The following GLRA2 variants were observed in gnomAD, a reference collection of about 807,000 sequenced individuals.
GLRA2 encodes glycine receptor alpha 2.
In GLRA2, 11 loss-of-function variants were observed where a neutral mutation model predicts 31.6. The ratio of observed to expected loss-of-function variants is 0.35; its 90% CI spans 0.22 to 0.58. The LOEUF is 0.58. Among genes scored for constraint, GLRA2 ranks in the 20% least tolerant of loss-of-function variants. The pLI, the probability that GLRA2 is intolerant of heterozygous loss-of-function variation, is 0.84. For synonymous variants in GLRA2, 132 were observed against 134.0 expected (o/e 0.99, Z 0.10); for missense variants, 212 against 351.8 (o/e 0.60, Z 3.18).
chrX:14,714,685 A>ATG (rs1360918392), intron 8 of GLRA2, among the ~76,000 whole-genome samples: 1 of 112,375 alleles, frequency 8.9e-6, no homozygotes, highest in Non-Finnish European at 1.9e-5. Flanking sequence ...TTTTAAATGC[A>ATG]TGAGGCTTGT....
chrX:14,576,821 C>T (rs2089963764), intron 3 of GLRA2, among the ~76,000 whole-genome samples: 1 of 112,356 alleles, frequency 8.9e-6, no homozygotes, highest in African/African-American at 3.2e-5. Context: ...TCAAGGGTAA[C>T]ATACACAGCC....
chrX:14,615,808 T>TGTTTAAATAAACACAA (rs1428359066), intron 7 of GLRA2, among the ~76,000 whole-genome samples: 2 of 111,935 alleles, frequency 1.8e-5, no homozygotes, highest in African/African-American at 6.5e-5. Context: ...AAGAAACTTG[T>TGTTTAAATAAACACAA]GTTTATTGAT....
the GLRA2 span, among the ~76,000 whole-genome samples, chrX:14,474,309 C>T: frequency 9.0e-6 from 1 of 111,473 alleles, no homozygotes. Flanking sequence ...TACCCTGCAG[C>T]TGCTACAGTT....
chrX:14,516,112 C>A, the GLRA2 span, among the ~76,000 whole-genome samples: 45 of 111,506 alleles, frequency 4.0e-4, no homozygotes, highest in African/African-American at 1.3e-3. Flanking sequence ...ATGTTTCCTG[C>A]TATCCCTCCT....
the GLRA2 span, among the ~76,000 whole-genome samples, chrX:14,454,805 T>C: frequency 1.2e-3 from 134 of 112,087 alleles, no homozygotes; most frequent in Non-Finnish European, 2.0e-3. Flanking sequence ...TCCAATATGC[T>C]ATGATTCTTA....
intron 2 of GLRA2, among the ~76,000 whole-genome samples, chrX:14,562,961 A>G (rs2089753782): frequency 8.9e-6 from 1 of 112,329 alleles, no homozygotes; most frequent in African/African-American, 3.2e-5. Flanking sequence ...TTAAAAAAAT[A>G]CTGCAAGTCA....
chrX:14,669,466 G>A (rs748016877), intron 7 of GLRA2, among the ~76,000 whole-genome samples: 2 of 111,537 alleles, frequency 1.8e-5, no homozygotes, highest in East Asian at 5.7e-4. Flanking sequence ...CCCTAGCAGA[G>A]GTTCTCCATG....
chrX:14,457,149 C>T, the GLRA2 span, among the ~76,000 whole-genome samples: 4 of 110,772 alleles, frequency 3.6e-5, no homozygotes, highest in Non-Finnish European at 5.7e-5. Flanking sequence ...TCAAATATTT[C>T]TTGGCCGTTT....
At chrX:14,559,534 A>G (rs1389406159) in intron 2 of GLRA2, among the ~76,000 whole-genome samples, 1 of 98,161 alleles carries the variant, frequency 1.0e-5, no homozygotes, top group Non-Finnish European at 2.0e-5. Flanking sequence ...CTCCTGCCTC[A>G]GCCTCCCGAG....
the GLRA2 span, among the ~76,000 whole-genome samples, chrX:14,517,016 T>C: frequency 8.9e-6 from 1 of 112,314 alleles, no homozygotes; most frequent in Admixed American, 9.4e-5. Context: ...AACAAATTAT[T>C]GCTTTAAGCC....
intron 8 of GLRA2, among the ~76,000 whole-genome samples, chrX:14,695,467 C>A (rs1460200097): frequency 8.9e-6 from 1 of 112,138 alleles, no homozygotes. Context: ...AAATAAAATT[C>A]AAAGCAAAGG....
chrX:14,609,808 G>C (rs1379108419), intron 7 of GLRA2, among the ~76,000 whole-genome samples: 2 of 111,393 alleles, frequency 1.8e-5, no homozygotes, highest in African/African-American at 6.5e-5. Flanking sequence ...AGGAACAGTA[G>C]AGTCATCTAA....
chrX:14,493,580 T>C, the GLRA2 span, among the ~76,000 whole-genome samples: 15 of 104,035 alleles, frequency 1.4e-4, no homozygotes, highest in East Asian at 2.1e-3. Context: ...CATATATACA[T>C]ATATACACAT....
In GLRA2 at chrX:14,552,400, C is replaced by A. The variant is rs1215557218; in HGVS notation, c.202+20028C>A. Among the ~76,000 whole-genome samples, 4 of 112,368 alleles carry A rather than the reference C, an allele frequency of 3.6e-5. No homozygotes were observed. In the Admixed American group the frequency reaches 3.7e-4, roughly 11 times the overall value. On this transcript the variant is annotated intron_variant, in intron 2 of 8. Coordinates refer to ENST00000218075, the MANE Select transcript of GLRA2 (RefSeq NM_002063.4). ...ACATGTTAAGTGTGTCATATGCATG[C>A]TCTCATTTGTTCTCTACAAAATTGA...
intron 2 of GLRA2, among the ~76,000 whole-genome samples, chrX:14,536,057 A>G (rs989007867): frequency 2.9e-4 from 33 of 112,348 alleles, no homozygotes; most frequent in Non-Finnish European, 5.8e-4. Context: ...GGAGATAATT[A>G]TTCATTCCAC....
At chrX:14,644,952 C>T (rs916279580) in intron 7 of GLRA2, among the ~76,000 whole-genome samples, 4 of 111,819 alleles carry the variant, frequency 3.6e-5, no homozygotes, top group African/African-American at 6.5e-5. Flanking sequence ...AGCACTTTAA[C>T]GGGTGTTGTA....
At chrX:14,614,959 G>A (rs1009241838) in intron 7 of GLRA2, among the ~76,000 whole-genome samples, 14 of 111,844 alleles carry the variant, frequency 1.3e-4, no homozygotes, top group African/African-American at 4.5e-4. Context: ...AATACAGGGT[G>A]TTGGGTATAA....
At chrX:14,495,313 C>A in the GLRA2 span, among the ~76,000 whole-genome samples, 4 of 111,162 alleles carry the variant, frequency 3.6e-5, no homozygotes, top group African/African-American at 6.5e-5. Context: ...TAAAAAAATT[C>A]TCTAAACATC....
At chrX:14,617,408 G>A (rs1465830566) in intron 7 of GLRA2, among the ~76,000 whole-genome samples, 5 of 111,599 alleles carry the variant, frequency 4.5e-5, no homozygotes, top group Non-Finnish European at 9.4e-5. Context: ...TGCAGTAAAG[G>A]CAGATTTTTT....
Sources: allele counts gnomAD v4.1 joint callset (sites outside exome capture counted in the v4.1 genomes callset), GRCh38; gene constraint gnomAD v4.1.1; transcripts MANE v1.5; gene names NCBI Gene and HGNC (gene_info 2026-07-23, HGNC 2026-07-21).